The following PCDHGA2 variants were observed in gnomAD, a reference collection of about 807,000 sequenced individuals.
PCDHGA2 encodes protocadherin gamma subfamily A, 2.
PCDHGA2 carries 40 observed loss-of-function variants against 59.2 expected under a neutral mutation model. The ratio of observed to expected loss-of-function variants is 0.68; its 90% CI spans 0.52 to 0.88. The LOEUF (loss-of-function observed/expected upper bound fraction) is 0.88. PCDHGA2 is among the 40% of genes least tolerant of loss of function. The pLI is 0.00. For missense variants in PCDHGA2, 1,226 were observed against 1,204.0 expected (o/e 1.02, Z -0.27); for synonymous variants, 560 against 526.0 (o/e 1.06, Z -0.89).
chr5:141,476,206 C>A lies in PCDHGA2; in HGVS notation c.2425-18601C>A. On this transcript the variant is annotated intron_variant, in intron 1 of 3. Transcript: ENST00000394576. This position sits in a 1 kb window ranked among gnomAD's most constrained non-coding sequence, Gnocchi z 7.6. ...TGCTTGGTGCCTTGAACAAGGCTTC[C>A]ACGGTCATTCACTATGAGATCCCGG... 1 of 1,613,930 alleles carries A rather than the reference C, an allele frequency of 6.2e-7. No individual in the cohort carries two copies. The highest frequency in any genetic ancestry group is 1.7e-5 in the Admixed American group (1 of 60,004).
At chr5:141,430,907 A>G (rs776543955) in intron 1 of PCDHGA2, 1 of 1,606,916 alleles carries the variant, frequency 6.2e-7, no homozygotes, top group Non-Finnish European at 8.5e-7. Flanking sequence ...CGACATCTCC[A>G]GGGACCTGGG....
At chr5:141,461,273 C>A (rs1301916233) in intron 1 of PCDHGA2, among the ~76,000 whole-genome samples, 1 of 152,128 alleles carries the variant, frequency 6.6e-6, no homozygotes, top group Admixed American at 6.6e-5. Flanking sequence ...TAAGTGTTCT[C>A]TTTTCCCCAC....
intron 3 of PCDHGA2, among the ~76,000 whole-genome samples, chr5:141,509,807 C>T (rs369661041): frequency 2.0e-5 from 3 of 152,104 alleles, no homozygotes; most frequent in Non-Finnish European, 4.4e-5. Context: ...TTCATAGAGC[C>T]GAGCTCTTCT....
At chr5:141,376,407 A>G (rs1352753803) in intron 1 of PCDHGA2, 2 of 1,614,198 alleles carry the variant, frequency 1.2e-6, no homozygotes, top group Non-Finnish European at 1.7e-6. Flanking sequence ...CAGCCCAACT[A>G]TGCCGACACG....
chr5:141,495,005 CG>C (rs2099758180), intron 2 of PCDHGA2, 140 bp downstream of exon 2: 2 of 1,522,694 alleles, frequency 1.3e-6, no homozygotes, highest in African/African-American at 1.4e-5. Context: ...TCTTGGTGTG[CG>C]GGGGGCTGGC....
chr5:141,414,624 G>C, intron 1 of PCDHGA2: 1 of 1,613,932 alleles, frequency 6.2e-7, no homozygotes, highest in Non-Finnish European at 8.5e-7. Context: ...CGCTGGACCC[G>C]GACAGCAAAG....
At chr5:141,383,111 GGAC>G in intron 1 of PCDHGA2, 1 of 1,614,040 alleles carries the variant, frequency 6.2e-7, no homozygotes, top group South Asian at 1.1e-5. Context: ...TCCAGAGGTA[GGAC>G]GCAGCTTTTC....
At chr5:141,350,620 C>A (rs1354304006) in intron 1 of PCDHGA2, 2 of 1,613,990 alleles carry the variant, frequency 1.2e-6, no homozygotes, top group Non-Finnish European at 1.7e-6. Context: ...TTGTTGTAAT[C>A]CAAGATATTA....
chr5:141,351,930 G>A, intron 1 of PCDHGA2: 14 of 1,613,296 alleles, frequency 8.7e-6, no homozygotes, highest in Non-Finnish European at 1.1e-5. Context: ...AATGCGCCAC[G>A]GGTGCTGTAC....
intron 1 of PCDHGA2, among the ~76,000 whole-genome samples, chr5:141,468,754 T>C (rs1205525962): frequency 6.6e-6 from 1 of 152,036 alleles, no homozygotes; most frequent in Admixed American, 6.6e-5. Flanking sequence ...TAGTCCCAGC[T>C]ACTCGGGAGG....
At chr5:141,482,366 AT>A (rs1425349819) in intron 1 of PCDHGA2, among the ~76,000 whole-genome samples, 1 of 152,150 alleles carries the variant, frequency 6.6e-6, no homozygotes, top group Non-Finnish European at 1.5e-5. Flanking sequence ...GTGAAAAGTA[AT>A]GCATATAAAG....
chr5:141,475,550 TA>T (rs2099365126), intron 1 of PCDHGA2, among the ~76,000 whole-genome samples: 2 of 152,246 alleles, frequency 1.3e-5, no homozygotes, highest in Non-Finnish European at 2.9e-5. Context: ...AGGGTCCGGC[TA>T]ATTGTCTGTC....
At position 141,431,118 on chromosome 5, in the gene PCDHGA2, A is replaced by C; in HGVS notation, c.2425-63689A>C. On this transcript the variant is annotated intron_variant, in intron 1 of 3. Coordinates refer to ENST00000394576, the MANE Select transcript of PCDHGA2 (RefSeq NM_018915.4). The surrounding 1 kb of genome is among the most constrained non-coding windows in gnomAD (Gnocchi z 4.8). ...GATAAAGTGAAAATATATGGAGTAG[A>C]AGTAGAAGTAAGGGACATTAACGAC... 6.2e-7 allele frequency: 1 copy of C among 1,614,182 alleles called. No individual in the cohort carries two copies. Among genetic ancestry groups the C allele is most frequent in the Non-Finnish European group, 8.5e-7 (1 of 1,179,974 alleles).
intron 1 of PCDHGA2, chr5:141,352,148 G>T (rs777837262): frequency 5.0e-6 from 8 of 1,612,336 alleles, no homozygotes; most frequent in African/African-American, 1.3e-5. Context: ...TGCCTTGGGC[G>T]ACAGGGACGC....
At chr5:141,481,703 C>T (rs909197135) in intron 1 of PCDHGA2, among the ~76,000 whole-genome samples, 1 of 152,090 alleles carries the variant, frequency 6.6e-6, no homozygotes, top group Admixed American at 6.5e-5. Context: ...CCTGTAATCC[C>T]AGCACTTTGG....
chr5:141,354,510 A>G (rs755155605), intron 1 of PCDHGA2, among the ~76,000 whole-genome samples: 7 of 152,228 alleles, frequency 4.6e-5, no homozygotes, highest in Non-Finnish European at 1.0e-4. Flanking sequence ...GTTTTTTGCA[A>G]GGGAATTGAA....
intron 2 of PCDHGA2, among the ~76,000 whole-genome samples, chr5:141,498,792 G>A (rs1217057199): frequency 2.6e-5 from 4 of 152,086 alleles, no homozygotes; most frequent in Admixed American, 2.6e-4. Context: ...TATTAGCCAG[G>A]TGTGGTGGTG....
chr5:141,377,445 A>T (rs1442230734), intron 1 of PCDHGA2: 1 of 152,050 alleles, frequency 6.6e-6, no homozygotes, highest in Admixed American at 6.6e-5. Flanking sequence ...AAAAGAAAAA[A>T]AAGTAGCCAG....
At chr5:141,440,150 A>G (rs770863453) in intron 1 of PCDHGA2, 1 of 152,244 alleles carries the variant, frequency 6.6e-6, no homozygotes, top group African/African-American at 2.4e-5. Context: ...ACGCCCCCCA[A>G]TTATAGCTTG....
Sources: gnomAD v4.1 joint callset for allele counts (sites outside exome capture counted in the v4.1 genomes callset) on GRCh38, gnomAD v4.1.1 for gene constraint, Gnocchi (gnomAD v3.1) non-coding constraint, MANE v1.5 for transcripts, NCBI Gene and HGNC (gene_info 2026-07-23, HGNC 2026-07-21) for gene names.